Variants in C1orf21 observed in about 807,000 individuals in gnomAD.
C1orf21 encodes uncharacterized protein C1orf21.
Under a neutral mutation model 18.7 loss-of-function variants are expected in C1orf21, and 3 were observed. The ratio of observed to expected loss-of-function variants is 0.16; its 90% CI spans 0.07 to 0.42. The LOEUF is 0.42. C1orf21 is among the 10% of genes least tolerant of loss of function. The pLI, the probability that C1orf21 is intolerant of heterozygous loss-of-function variation, is 0.99. For synonymous variants in C1orf21, 41 were observed against 46.4 expected (o/e 0.88, Z 0.47); for missense variants, 104 against 143.6 (o/e 0.72, Z 1.41).
chr1:184,560,735 A>G (rs962666636), intron 3 of C1orf21, among the ~76,000 whole-genome samples: 6 of 152,122 alleles, frequency 3.9e-5, no homozygotes, highest in Admixed American at 6.5e-5. Flanking sequence ...GAATCCTCCA[A>G]TGTGACAGGC....
chr1:184,601,935 C>T (rs1659590504), intron 5 of C1orf21, among the ~76,000 whole-genome samples: 1 of 151,902 alleles, frequency 6.6e-6, no homozygotes, highest in Non-Finnish European at 1.5e-5. Context: ...TAAGATTCAG[C>T]ACCTACTGAA....
intron 1 of C1orf21, among the ~76,000 whole-genome samples, chr1:184,418,501 A>G (rs1184173274): frequency 2.0e-5 from 3 of 152,204 alleles, no homozygotes; most frequent in Non-Finnish European, 4.4e-5. Context: ...GGCTTGAACC[A>G]CTGTGCCCGG....
At chr1:184,438,804 G>A (rs1656900260) in intron 1 of C1orf21, among the ~76,000 whole-genome samples, 1 of 152,160 alleles carries the variant, frequency 6.6e-6, no homozygotes, top group Non-Finnish European at 1.5e-5. Context: ...AAATATGGTT[G>A]CCTTAAATGC....
At chr1:184,471,417 G>T (rs1657494861) in intron 1 of C1orf21, among the ~76,000 whole-genome samples, 1 of 152,156 alleles carries the variant, frequency 6.6e-6, no homozygotes, top group Non-Finnish European at 1.5e-5. Context: ...TGAAAACAAA[G>T]AGTGTAAATA....
intron 1 of C1orf21, among the ~76,000 whole-genome samples, chr1:184,465,174 A>G (rs1657371642): frequency 6.6e-6 from 1 of 152,208 alleles, no homozygotes; most frequent in African/African-American, 2.4e-5. Flanking sequence ...TTAATCATGG[A>G]GGATTTGGGA....
At chr1:184,588,271 T>G (rs947257516) in intron 3 of C1orf21, among the ~76,000 whole-genome samples, 6 of 152,218 alleles carry the variant, frequency 3.9e-5, no homozygotes, top group African/African-American at 1.4e-4. Flanking sequence ...ATTCAAACTT[T>G]AAACAAAATC....
intron 1 of C1orf21, among the ~76,000 whole-genome samples, chr1:184,463,587 T>G (rs1429260340): frequency 6.6e-6 from 1 of 152,216 alleles, no homozygotes; most frequent in Non-Finnish European, 1.5e-5. Context: ...TTCTACTTTG[T>G]GCAAAGAATT....
At chr1:184,465,118 G>C (rs576926818) in intron 1 of C1orf21, among the ~76,000 whole-genome samples, 1 of 152,274 alleles carries the variant, frequency 6.6e-6, no homozygotes, top group East Asian at 1.9e-4. Context: ...GTCATGTCTA[G>C]CTTGAAAATC....
chr1:184,484,709 G>A (rs752062902), intron 2 of C1orf21, among the ~76,000 whole-genome samples: 3 of 152,174 alleles, frequency 2.0e-5, no homozygotes, highest in Non-Finnish European at 4.4e-5. Context: ...TTAAATGGAG[G>A]GGCTTAGATT....
intron 3 of C1orf21, among the ~76,000 whole-genome samples, chr1:184,574,878 A>C (rs965579587): frequency 1.3e-5 from 2 of 152,220 alleles, no homozygotes; most frequent in African/African-American, 2.4e-5. Flanking sequence ...CGGAGGGCCC[A>C]GTCCTGTCAC....
rs112886329 is a variant in C1orf21 at position 184,476,665 on chromosome 1, G to A, written c.-124-721G>A. On this transcript the variant is annotated intron_variant, in intron 1 of 5. Transcript: ENST00000235307. The stretch of plus-strand genomic sequence containing the variant: ...AAATCGGTAGAAGCATGAAGTTTAC[G>A]CCAAAAGCTTGACAACTGCTTTGTT... Among the ~76,000 whole-genome samples the A allele has an allele frequency of 7.8e-3, 1,184 of 152,230 alleles. 16 individuals carry two copies. Among genetic ancestry groups the A allele is most frequent in the African/African-American group, 0.027 (1,127 of 41,532 alleles).
chr1:184,507,817 C>T, intron 3 of C1orf21, 135 bp downstream of exon 3: 1 of 675,186 alleles, frequency 1.5e-6, no homozygotes, highest in Non-Finnish European at 2.4e-6. Flanking sequence ...TATAGCTTGC[C>T]TGGAAGCTGC....
chr1:184,571,267 A>C (rs569444413), intron 3 of C1orf21, among the ~76,000 whole-genome samples: 2 of 141,272 alleles, frequency 1.4e-5, no homozygotes, highest in African/African-American at 5.4e-5. Context: ...ACTGCACTCC[A>C]GCCTGGGCGA....
chr1:184,575,170 C>A (rs913443116), intron 3 of C1orf21, among the ~76,000 whole-genome samples: 1 of 152,220 alleles, frequency 6.6e-6, no homozygotes, highest in Non-Finnish European at 1.5e-5. Flanking sequence ...TGCTAAATAC[C>A]GTATTTCAAT....
At chr1:184,523,200 A>G (rs745737878) in intron 3 of C1orf21, among the ~76,000 whole-genome samples, 1 of 152,222 alleles carries the variant, frequency 6.6e-6, no homozygotes, top group East Asian at 1.9e-4. Context: ...GCAAGAGTAC[A>G]GTATGGAAAT....
chr1:184,402,633 G>C (rs1656174766), intron 1 of C1orf21, among the ~76,000 whole-genome samples: 1 of 139,900 alleles, frequency 7.1e-6, no homozygotes, highest in South Asian at 2.2e-4. Context: ...AAAAAAAAAA[G>C]TCCATCTTTT....
chr1:184,503,809 A>G (rs1349531869), intron 2 of C1orf21, among the ~76,000 whole-genome samples: 1 of 152,168 alleles, frequency 6.6e-6, no homozygotes. Flanking sequence ...CTTTGTATTT[A>G]ATAGAACTGA....
At chr1:184,579,826 A>G (rs72737720) in intron 3 of C1orf21, among the ~76,000 whole-genome samples, 4,041 of 152,268 alleles carry the variant, frequency 0.027, 91 homozygotes, top group Non-Finnish European at 0.039. Flanking sequence ...TTCTTAAAGT[A>G]GAGATGACTC....
At chr1:184,489,922 T>G (rs2207528) in intron 2 of C1orf21, among the ~76,000 whole-genome samples, 64,363 of 152,114 alleles carry the variant, frequency 0.42, 13,760 homozygotes, top group Admixed American at 0.49. Flanking sequence ...GTCTTGAATC[T>G]TTTATGTTTA....
Sources: allele counts gnomAD v4.1 joint callset (sites outside exome capture counted in the v4.1 genomes callset), GRCh38; gene constraint gnomAD v4.1.1; transcripts MANE v1.5; gene names NCBI Gene and HGNC (gene_info 2026-07-23, HGNC 2026-07-21).